The following MIDEAS variants were observed in gnomAD, a reference collection of about 807,000 sequenced individuals.
The protein encoded by MIDEAS is mitotic deacetylase associated SANT domain protein.
MIDEAS carries 26 observed loss-of-function variants against 102.7 expected under a neutral mutation model. The observed-to-expected ratio is 0.25, with a 90% CI of 0.19 to 0.35. MIDEAS has a LOEUF of 0.35. MIDEAS is among the 10% of genes least tolerant of loss of function. MIDEAS has a pLI of 1.00. For synonymous variants in MIDEAS, 585 were observed against 591.0 expected, an observed-to-expected ratio of 0.99 and a Z score of 0.15; for missense variants, 1,231 against 1,435.6, an observed-to-expected ratio of 0.86 and a Z score of 2.30.
At chr14:73,779,197 G>A (rs904112259) in intron 1 of MIDEAS, among the ~76,000 whole-genome samples, 26 of 151,878 alleles carry the variant, frequency 1.7e-4, no homozygotes, top group African/African-American at 5.8e-4. Flanking sequence ...GACCAGCCTG[G>A]CCAACATGGT....
chr14:73,734,668 C>T lies in MIDEAS; in HGVS notation c.1749+2330G>A, dbSNP rs138155969. ...CTGGTCTCGAACTCCTGGGCTCAAG[C>T]GATCCTCCTGCCTTGGCCCCCCCAA... On this transcript the variant is annotated intron_variant, in intron 3 of 12. Coordinates refer to ENST00000423556, the MANE Select transcript of MIDEAS (RefSeq NM_001367710.1). 5.4e-3 allele frequency among the ~76,000 whole-genome samples: 815 copies of T among 152,158 alleles called. 4 individuals are homozygous for T. Among genetic ancestry groups the T allele is most frequent in the African/African-American group, 0.019 (781 of 41,502 alleles).
At chr14:73,769,506 G>A (rs769660781) in intron 1 of MIDEAS, among the ~76,000 whole-genome samples, 4 of 152,232 alleles carry the variant, frequency 2.6e-5, no homozygotes, top group Non-Finnish European at 5.9e-5. Context: ...GCTGTTGGCA[G>A]GGCAGTTGCA....
At chr14:73,721,186 G>A (rs1189960935) in intron 11 of MIDEAS, 111 bp downstream of exon 11, 11 of 1,002,902 alleles carry the variant, frequency 1.1e-5, no homozygotes, top group Admixed American at 5.5e-5. Flanking sequence ...CACATTTCCT[G>A]CTATTATGAT....
intron 1 of MIDEAS, among the ~76,000 whole-genome samples, chr14:73,776,321 CACATA>C (rs1424929092): frequency 6.6e-6 from 1 of 151,898 alleles, no homozygotes; most frequent in Non-Finnish European, 1.5e-5. Context: ...ATCTTCTGGG[CACATA>C]ACATTCCTAA....
At position 73,776,709 on chromosome 14, in the gene MIDEAS, G is replaced by A. The variant is rs894456267; in HGVS notation, c.-248+10393C>T. Among the ~76,000 whole-genome samples, 7 of 152,028 alleles carry A rather than the reference G, an allele frequency of 4.6e-5. 1 individual carries two copies. The highest frequency in any genetic ancestry group is 8.8e-5 in the Non-Finnish European group (6 of 67,932). On this transcript the variant is annotated intron_variant, in intron 1 of 11. Coordinates refer to the MIDEAS transcript ENST00000394071. ...AGCCCTCCCCTGGTTTCAGGCACCTGTGGTTGTGAGTCCTGAGAGGAGGCA... is the reference window on the plus strand; with the variant it reads ...AGCCCTCCCCTGGTTTCAGGCACCTATGGTTGTGAGTCCTGAGAGGAGGCA...
chr14:73,773,278 TC>T (rs1422278323), intron 1 of MIDEAS, among the ~76,000 whole-genome samples: 1 of 151,912 alleles, frequency 6.6e-6, no homozygotes, highest in Non-Finnish European at 1.5e-5. Context: ...CTCCTCAGCG[TC>T]CCTGCTATTC....
At chr14:73,768,997 G>C (rs2053617341) in intron 1 of MIDEAS, among the ~76,000 whole-genome samples, 1 of 152,152 alleles carries the variant, frequency 6.6e-6, no homozygotes, top group South Asian at 2.1e-4. Context: ...CACTCTGCCA[G>C]CCTCTGTCAT....
chr14:73,764,037 C>T (rs1470905504), upstream of MIDEAS, among the ~76,000 whole-genome samples: 4 of 152,104 alleles, frequency 2.6e-5, no homozygotes, highest in Admixed American at 2.6e-4. Flanking sequence ...TAGGTTATCC[C>T]TTCTTAAGAA....
chr14:73,749,035 A>C (rs1427373591), intron 1 of MIDEAS, among the ~76,000 whole-genome samples: 1 of 152,190 alleles, frequency 6.6e-6, no homozygotes, highest in Admixed American at 6.5e-5. Context: ...CATGAGAGAG[A>C]GAAAACACTC....
chr14:73,755,651 G>C (rs754150203), intron 1 of MIDEAS, among the ~76,000 whole-genome samples: 37 of 152,312 alleles, frequency 2.4e-4, no homozygotes, highest in Non-Finnish European at 4.7e-4. Flanking sequence ...CTCAACCCTC[G>C]GCTGCAGGGC....
intron 3 of MIDEAS, among the ~76,000 whole-genome samples, chr14:73,736,185 G>T (rs1277845455): frequency 1.3e-5 from 2 of 152,110 alleles, no homozygotes; most frequent in Non-Finnish European, 2.9e-5. Context: ...AGAATAAAAT[G>T]AGAATAAAAG....
intron 1 of MIDEAS, among the ~76,000 whole-genome samples, chr14:73,748,140 A>G (rs2053376931): frequency 6.6e-6 from 1 of 152,208 alleles, no homozygotes; most frequent in Admixed American, 6.5e-5. Context: ...TAGAAGAACA[A>G]AAGAATAAAA....
chr14:73,781,237 G>A (rs931393494), intron 1 of MIDEAS, among the ~76,000 whole-genome samples: 36 of 152,128 alleles, frequency 2.4e-4, no homozygotes, highest in African/African-American at 8.2e-4. Context: ...TGGGATTATC[G>A]GAGATGCTGT....
In MIDEAS at chr14:73,722,876, A is replaced by C. The variant is rs773826298; in HGVS notation, c.2575-29T>G. ...GTTTGAAGTCAAAACTGAGGTCAGA[A>C]CCCTCTGGTTTGGCTCATCTGCCTG... On this transcript the variant is annotated intron_variant, in intron 9 of 12. Coordinates refer to ENST00000423556, the MANE Select transcript of MIDEAS (RefSeq NM_001367710.1). The C allele has an allele frequency of 3.7e-6, 6 of 1,611,180 alleles. No individual in the cohort carries two copies. In the Admixed American group the frequency reaches 1.0e-4, roughly 27 times the overall value.
At position 73,720,473 on chromosome 14, in the gene MIDEAS, C is replaced by G. The variant is rs186817478; in HGVS notation, c.2937+824G>C. On this transcript the variant is annotated intron_variant, in intron 11 of 12. Coordinates refer to ENST00000423556, the MANE Select transcript of MIDEAS (RefSeq NM_001367710.1). ...TTGTTGGCCAGGCTGGTCTCGACTC[C>G]TGACCTCAGGTGATCCACTCACCTT... Among the ~76,000 whole-genome samples, 68 of 152,248 alleles carry G rather than the reference C, an allele frequency of 4.5e-4. 1 individual carries two copies. The East Asian group carries it at 0.011, about 26-fold the overall frequency.
intron 3 of MIDEAS, among the ~76,000 whole-genome samples, chr14:73,736,684 C>T (rs1192440125): frequency 6.6e-6 from 1 of 151,856 alleles, no homozygotes; most frequent in Non-Finnish European, 1.5e-5. Flanking sequence ...AAGCAAACAC[C>T]TCTCATTCCC....
intron 1 of MIDEAS, among the ~76,000 whole-genome samples, chr14:73,772,794 A>AGTGT (rs61402555): frequency 0.23 from 31,305 of 135,462 alleles, 3,650 homozygotes; most frequent in Non-Finnish European, 0.25. Flanking sequence ...TTCAAGTTCT[A>AGTGT]GTGTGTGTGT....
At chr14:73,745,024 C>CT (rs2053332851) in intron 1 of MIDEAS, among the ~76,000 whole-genome samples, 1 of 152,198 alleles carries the variant, frequency 6.6e-6, no homozygotes, top group African/African-American at 2.4e-5. Flanking sequence ...TTGTATCTGC[C>CT]TGTCAGGATG....
upstream of MIDEAS, among the ~76,000 whole-genome samples, chr14:73,762,366 G>C (rs539697604): frequency 1.3e-5 from 2 of 152,352 alleles, no homozygotes; most frequent in African/African-American, 4.8e-5. Flanking sequence ...GCAGGTGGCA[G>C]GGGAAACAGA....
Sources: gnomAD v4.1 joint callset for allele counts (sites outside exome capture counted in the v4.1 genomes callset) on GRCh38, gnomAD v4.1.1 for gene constraint, MANE v1.5 for transcripts, NCBI Gene and HGNC (gene_info 2026-07-23, HGNC 2026-07-21) for gene names.